Variants in SGCD observed in about 807,000 individuals in gnomAD.
The protein encoded by SGCD is sarcoglycan delta.
Under a neutral mutation model 36.6 loss-of-function variants are expected in SGCD, and 18 were observed. The ratio of observed to expected loss-of-function variants is 0.49; its 90% confidence interval spans 0.34 to 0.73. The LOEUF (loss-of-function observed/expected upper bound fraction) is 0.73, where lower values mean the gene tolerates loss of function less well. SGCD is among the 30% of genes least tolerant of loss of function. The pLI is 0.01. For synonymous variants in SGCD, 133 were observed against 130.6 expected (o/e 1.02, Z -0.12); for missense variants, 387 against 346.7 (o/e 1.12, Z -0.92).
At chr5:155,997,703 A>G (rs912206429) in intron 1 of SGCD, among the ~76,000 whole-genome samples, 7 of 152,252 alleles carry the variant, frequency 4.6e-5, no homozygotes, top group Admixed American at 4.6e-4. Context: ...CTACAAATGC[A>G]CTGTGTTCAA....
At chr5:156,555,331 T>C (rs116035917) in intron 4 of SGCD, among the ~76,000 whole-genome samples, 3,194 of 152,312 alleles carry the variant, frequency 0.021, 41 homozygotes, top group Non-Finnish European at 0.03. Context: ...TATGCTTCCT[T>C]ACAAAGATTT....
chr5:156,235,943 C>A (rs1407599689), intron 3 of SGCD, among the ~76,000 whole-genome samples: 3 of 152,062 alleles, frequency 2.0e-5, no homozygotes, highest in Non-Finnish European at 4.4e-5. Context: ...CCAAATGATT[C>A]TTGAAGGTAA....
chr5:156,599,394 A>T (rs1182879533), intron 6 of SGCD, among the ~76,000 whole-genome samples: 1 of 152,202 alleles, frequency 6.6e-6, no homozygotes, highest in East Asian at 1.9e-4. Context: ...AAAAAATGGA[A>T]GGAAGAATGA....
chr5:156,754,548 G>T (rs946474382), intron 7 of SGCD, among the ~76,000 whole-genome samples: 7 of 152,156 alleles, frequency 4.6e-5, no homozygotes, highest in Admixed American at 1.3e-4. Context: ...CAGAAAATAG[G>T]GGTAAAGATA....
chr5:156,264,419 G>T (rs1057185335), intron 3 of SGCD, among the ~76,000 whole-genome samples: 1 of 152,058 alleles, frequency 6.6e-6, no homozygotes, highest in Non-Finnish European at 1.5e-5. Flanking sequence ...GAAATTATAT[G>T]TGCTGAAAGG....
intron 7 of SGCD, among the ~76,000 whole-genome samples, chr5:156,699,644 A>C (rs1454799454): frequency 1.3e-5 from 2 of 152,182 alleles, no homozygotes; most frequent in Non-Finnish European, 1.5e-5. Flanking sequence ...TATATTTACA[A>C]GTAAGAAGAC....
intron 3 of SGCD, among the ~76,000 whole-genome samples, chr5:156,126,464 T>C (rs1002340384): frequency 6.6e-6 from 1 of 152,204 alleles, no homozygotes; most frequent in African/African-American, 2.4e-5. Context: ...AAGCTCCCTC[T>C]GATTGTTGAC....
intron 3 of SGCD, among the ~76,000 whole-genome samples, chr5:156,385,586 G>C (rs6556570): frequency 0.7 from 105,774 of 152,126 alleles, 36,977 homozygotes; most frequent in Middle Eastern, 0.88. Context: ...ACATGTTGAG[G>C]ATATTAGAGT....
At chr5:156,571,244 T>C (rs1260480810) in intron 4 of SGCD, among the ~76,000 whole-genome samples, 2 of 152,008 alleles carry the variant, frequency 1.3e-5, no homozygotes, top group African/African-American at 4.8e-5. Flanking sequence ...TGGGGTTTCA[T>C]GATGTTGGCC....
chr5:156,211,249 A>AGAG (rs1764433627), intron 3 of SGCD, among the ~76,000 whole-genome samples: 1 of 152,196 alleles, frequency 6.6e-6, no homozygotes, highest in Non-Finnish European at 1.5e-5. Context: ...TTTCCCAGAC[A>AGAG]AACAAAAGCT....
chr5:156,394,617 G>A (rs1437043618), intron 3 of SGCD, among the ~76,000 whole-genome samples: 16 of 152,168 alleles, frequency 1.1e-4, no homozygotes, highest in Non-Finnish European at 1.3e-4. Context: ...ATTATATTTT[G>A]CAATTGTGTT....
At chr5:156,174,304 T>C (rs185899364) in intron 3 of SGCD, among the ~76,000 whole-genome samples, 4 of 152,340 alleles carry the variant, frequency 2.6e-5, no homozygotes, top group African/African-American at 7.2e-5. Flanking sequence ...CCTGAGAATG[T>C]GCCTGTTAAG....
chr5:156,250,125 T>C (rs955643344), intron 3 of SGCD, among the ~76,000 whole-genome samples: 6 of 152,244 alleles, frequency 3.9e-5, no homozygotes, highest in Non-Finnish European at 5.9e-5. Context: ...TTGGGTATTC[T>C]TCTATGTCCA....
At chr5:156,168,710 C>G (rs137898831) in intron 3 of SGCD, among the ~76,000 whole-genome samples, 4 of 152,310 alleles carry the variant, frequency 2.6e-5, no homozygotes, top group African/African-American at 7.2e-5. Flanking sequence ...TTCACTCTCC[C>G]CATTCAACAG....
intron 3 of SGCD, among the ~76,000 whole-genome samples, chr5:156,469,048 A>T (rs1349798947): frequency 6.6e-6 from 1 of 152,162 alleles, no homozygotes. Flanking sequence ...CATGGTGCAA[A>T]GTTCCTGACA....
intron 3 of SGCD, among the ~76,000 whole-genome samples, chr5:156,136,438 T>C (rs2127608414): frequency 6.6e-6 from 1 of 152,332 alleles, no homozygotes; most frequent in African/African-American, 2.4e-5. Flanking sequence ...TAAAAATATG[T>C]TTCTTTTTTC....
chr5:156,251,810 G>A (rs928320153), intron 3 of SGCD, among the ~76,000 whole-genome samples: 3 of 151,888 alleles, frequency 2.0e-5, no homozygotes, highest in Non-Finnish European at 2.9e-5. Flanking sequence ...CACTGTGCCC[G>A]GCCTATACTA....
intron 3 of SGCD, among the ~76,000 whole-genome samples, chr5:156,145,324 C>T (rs573795463): frequency 1.1e-4 from 16 of 152,218 alleles, no homozygotes; most frequent in African/African-American, 2.2e-4. Flanking sequence ...CTGAGGCCTC[C>T]GCAGAAGCTG....
At chr5:156,727,600 C>T (rs909575181) in intron 7 of SGCD, among the ~76,000 whole-genome samples, 70 of 152,062 alleles carry the variant, frequency 4.6e-4, no homozygotes, top group African/African-American at 1.7e-3. Flanking sequence ...GCAGTGTTTC[C>T]AAGTATATGC....
Sources: gnomAD v4.1 joint callset for allele counts (sites outside exome capture counted in the v4.1 genomes callset) on GRCh38, gnomAD v4.1.1 for gene constraint, MANE v1.5 for transcripts, NCBI Gene and HGNC (gene_info 2026-07-23, HGNC 2026-07-21) for gene names.